Variants in SFT2D2 observed in about 807,000 individuals in gnomAD.
SFT2D2 encodes vesicle transport protein SFT2B.
In SFT2D2, 21 loss-of-function variants were observed where a neutral mutation model predicts 27.4. That is an observed-to-expected ratio of 0.77 (90% CI 0.54 to 1.10). The LOEUF is 1.10. SFT2D2 is among the 50% of genes least tolerant of loss of function. SFT2D2 has a pLI of 0.00. For missense variants in SFT2D2, 187 were observed against 194.2 expected, an observed-to-expected ratio of 0.96 and a Z score of 0.22; for synonymous variants, 72 against 71.7, an observed-to-expected ratio of 1.00 and a Z score of -0.02.
intron 6 of SFT2D2, among the ~76,000 whole-genome samples, 188 bp downstream of exon 6, chr1:168,236,958 T>C (rs1376788723): frequency 2.0e-5 from 3 of 152,180 alleles, no homozygotes; most frequent in Non-Finnish European, 4.4e-5. Context: ...CCACTGCCAA[T>C]AGATGGCATT....
At chr1:168,239,878 T>A (rs1291056914) in intron 7 of SFT2D2, among the ~76,000 whole-genome samples, 1 of 151,540 alleles carries the variant, frequency 6.6e-6, no homozygotes, top group Non-Finnish European at 1.5e-5. Context: ...ACAAGCTTTT[T>A]AAAAAAACTG....
At position 168,238,522 on chromosome 1, in the gene SFT2D2, C is replaced by A. The variant is rs1441770817; in HGVS notation, c.414-609C>A. ...AAACAAACAAACAAACAAAAAAAAA[C>A]ATTAAAAAATTAGCCGGGCATGGTG... On this transcript the variant is annotated intron_variant, in intron 6 of 7. Transcript: ENST00000271375. 5.3e-5 allele frequency among the ~76,000 whole-genome samples: 8 copies of A among 151,400 alleles called. No homozygotes were observed. In the East Asian group the frequency reaches 9.7e-4, roughly 18 times the overall value.
At chr1:168,231,485 T>C in intron 1 of SFT2D2, 29 bp from the exon 2 acceptor site, 1 of 1,546,362 alleles carries the variant, frequency 6.5e-7, no homozygotes, top group South Asian at 1.1e-5. Context: ...AATGTGTGTG[T>C]ATATGTATTT....
chr1:168,240,911 C>CA (rs1052365460), intron 7 of SFT2D2, among the ~76,000 whole-genome samples: 35 of 150,270 alleles, frequency 2.3e-4, no homozygotes, highest in Non-Finnish European at 4.0e-4. Flanking sequence ...GACTCTGTCT[C>CA]AAAAAAAAAG....
Position 168,246,229 on chromosome 1 carries a change from G to T in SFT2D2, c.*3689G>T. On this transcript the variant is annotated 3_prime_UTR_variant, in exon 8 of 8. Coordinates refer to ENST00000271375, the MANE Select transcript of SFT2D2 (RefSeq NM_199344.3). ...CGGTGCTTTATGCACTCAGCTTGAA[G>T]ATTTTGTGCTGTAGCATCACATTTG... is the stretch of plus-strand genomic sequence containing the variant. 3.3e-6 allele frequency: 1 copy of T among 306,738 alleles called. No homozygotes were observed. The allele number at this position is 306,738 out of a possible 1,614,324, so 19.0% of individuals were successfully genotyped here. A position where few individuals can be genotyped will look rare whatever the true frequency, so the allele number is the denominator to read the frequency against.
intron 7 of SFT2D2, among the ~76,000 whole-genome samples, chr1:168,239,959 CT>C (rs1558177917): frequency 6.6e-6 from 1 of 151,532 alleles, no homozygotes; most frequent in African/African-American, 2.4e-5. Flanking sequence ...GTGGATCCTG[CT>C]GTCAGGAGAT....
chr1:168,246,301 G>T lies in SFT2D2; in HGVS notation c.*3761G>T. ...TTTTCTTGATTGTCAGCTTTGTTGT[G>T]AACATCATCCAGTTGCTGTTGAAGC... On this transcript the variant is annotated 3_prime_UTR_variant, in exon 8 of 8. Coordinates refer to ENST00000271375, the MANE Select transcript of SFT2D2 (RefSeq NM_199344.3). 2.4e-6 allele frequency: 1 copy of T among 418,316 alleles called. No homozygotes were observed. The highest frequency in any genetic ancestry group is 2.2e-5 in the South Asian group (1 of 46,168). 25.9% of individuals were successfully genotyped at this position (418,316 alleles called of 1,614,324 possible). A position where few individuals can be genotyped will look rare whatever the true frequency, so the allele number is the denominator to read the frequency against.
chr1:168,231,527 C>A lies in SFT2D2; in HGVS notation c.77C>A (p.Ser26Tyr), dbSNP rs748062710. 1.9e-6 allele frequency: 3 copies of A among 1,612,820 alleles called. No homozygotes were observed. In the South Asian group the frequency reaches 3.3e-5, roughly 18 times the overall value. The stretch of plus-strand genomic sequence containing the variant: ...TTTCAATTTTAGGTTGTTGAGGCAT[C>A]TTCATTAAGCTGGAGTACCAGGATA... Reference protein sequence around the residue: ...RSGLSEVVEASSLSWSTRIKG... With the variant: ...RSGLSEVVEAYSLSWSTRIKG... The change falls in exon 2 of 8, where the codon TCT becomes TAT. Residue 26 changes from serine to tyrosine, a missense_variant. Coordinates refer to ENST00000271375, the MANE Select transcript of SFT2D2 (RefSeq NM_199344.3).
chr1:168,239,167 CTG>C lies in SFT2D2; in HGVS notation c.443+11_443+12del, dbSNP rs773060458. 1.9e-6 allele frequency: 3 copies of C among 1,596,180 alleles called. No individual in the cohort carries two copies. The highest frequency in any genetic ancestry group is 1.7e-5 in the Admixed American group (1 of 59,974). On this transcript the variant is annotated splice_region_variant and intron_variant, in intron 7 of 7. Transcript: ENST00000271375. ...CCTTCATACCATTTGCAAGGTAAGA[CTG>C]TGTATTTGGAAATAATGATTTCTGT...
chr1:168,240,536 T>C (rs562804388), intron 7 of SFT2D2, among the ~76,000 whole-genome samples: 1 of 152,292 alleles, frequency 6.6e-6, no homozygotes, highest in African/African-American at 2.4e-5. Flanking sequence ...TTGATCAACC[T>C]GCCAACATAT....
Position 168,247,833 on chromosome 1 carries a change from T to C in SFT2D2, c.*5293T>C, listed in dbSNP as rs1572458856. 1.3e-5 allele frequency: 2 copies of C among 152,250 alleles called. No individual in the cohort carries two copies. The highest frequency in any genetic ancestry group is 4.8e-5 in the African/African-American group (2 of 41,472). 9.4% of individuals were successfully genotyped at this position (152,250 alleles called of 1,614,324 possible). ...CTATTTCTCCCTGTCCTTTCCAGCA[T>C]CTGTGGCCACCATGCCACTTTTTAA... is the stretch of plus-strand genomic sequence containing the variant. On this transcript the variant is annotated 3_prime_UTR_variant, in exon 8 of 8. Coordinates refer to ENST00000271375, the MANE Select transcript of SFT2D2 (RefSeq NM_199344.3).
intron 3 of SFT2D2, among the ~76,000 whole-genome samples, chr1:168,234,127 G>C (rs1407812734): frequency 6.6e-6 from 1 of 152,202 alleles, no homozygotes; most frequent in Middle Eastern, 3.2e-3. Flanking sequence ...GCCAGGCGCA[G>C]TGGCTCACGC....
intron 1 of SFT2D2, among the ~76,000 whole-genome samples, chr1:168,230,151 C>G (rs764497710): frequency 6.6e-6 from 1 of 152,174 alleles, no homozygotes; most frequent in African/African-American, 2.4e-5. Flanking sequence ...TCTGGTTTGA[C>G]GGGAACTCTG....
In SFT2D2 at chr1:168,234,341, C is replaced by A. The variant is rs769340656; in HGVS notation, c.237-760C>A. ...CCCAGGAGGTGGAGGTTGCAATGAGCCGAGATTGCATCACTGCACTCCAGC... is the reference window on the plus strand; with the variant it reads ...CCCAGGAGGTGGAGGTTGCAATGAGACGAGATTGCATCACTGCACTCCAGC... On this transcript the variant is annotated intron_variant, in intron 3 of 7. Transcript: ENST00000271375. Among the ~76,000 whole-genome samples the A allele has an allele frequency of 1.8e-4, 27 of 151,746 alleles. No individual in the cohort carries two copies. In the South Asian group the frequency reaches 2.3e-3, roughly 13 times the overall value.
At position 168,251,449 on chromosome 1, in the gene SFT2D2, A is replaced by G. The variant is rs950997463; in HGVS notation, c.*8909A>G. ...TCTATGAAAGTGACAGATTTGCATC[A>G]TGAGACTTAGTGGAATGAATTGGGA... is the stretch of plus-strand genomic sequence containing the variant. On this transcript the variant is annotated 3_prime_UTR_variant, in exon 8 of 8. Transcript: ENST00000271375. 2.0e-5 allele frequency: 3 copies of G among 152,236 alleles called. No individual in the cohort carries two copies. Among genetic ancestry groups the G allele is most frequent in the African/African-American group, 4.8e-5 (2 of 41,472 alleles). The allele number at this position is 152,236 out of a possible 1,614,324, so 9.4% of individuals were successfully genotyped here. A position where few individuals can be genotyped will look rare whatever the true frequency, so the allele number is the denominator to read the frequency against.
chr1:168,236,919 G>T, intron 6 of SFT2D2, 149 bp downstream of exon 6: 1 of 1,012,984 alleles, frequency 9.9e-7, no homozygotes, highest in African/African-American at 1.6e-5. Context: ...GTGAAGTCAG[G>T]CTCCAGAGCA....
intron 3 of SFT2D2, 50 bp downstream of exon 3, chr1:168,231,969 T>C: frequency 1.3e-6 from 2 of 1,526,230 alleles, no homozygotes; most frequent in Non-Finnish European, 9.1e-7. Context: ...GATGGGAAAA[T>C]GGATGTTGGT....
chr1:168,237,453 C>T (rs1283055665), intron 6 of SFT2D2, among the ~76,000 whole-genome samples: 1 of 152,152 alleles, frequency 6.6e-6, no homozygotes, highest in Non-Finnish European at 1.5e-5. Context: ...GCCTATACGA[C>T]CTCAGAGTGA....
chr1:168,239,124 A>G lies in SFT2D2; in HGVS notation c.414-7A>G, dbSNP rs1309081959. On this transcript the variant is annotated splice_polypyrimidine_tract_variant and splice_region_variant and intron_variant, in intron 6 of 7. Transcript: ENST00000271375. ...CATTTGACCCTTTGTTTTGTTTTTC[A>G]TTATAGGTACAGCCTTTCCTTCATA... 3.7e-6 allele frequency: 6 copies of G among 1,603,978 alleles called. No individual in the cohort carries two copies. The South Asian group carries it at 5.5e-5, about 15-fold the overall frequency.
Sources: gnomAD v4.1 joint callset for allele counts (sites outside exome capture counted in the v4.1 genomes callset) on GRCh38, gnomAD v4.1.1 for gene constraint, MANE v1.5 for transcripts, NCBI Gene and HGNC (gene_info 2026-07-23, HGNC 2026-07-21) for gene names.